EML5: variants seen among roughly 807,000 people sequenced by gnomAD.
EML5 encodes echinoderm microtubule-associated protein-like 5.
EML5 carries 120 observed loss-of-function variants against 250.0 expected under a neutral mutation model. That is an observed-to-expected ratio of 0.48 (90% CI 0.41 to 0.56). EML5 has a LOEUF of 0.56. Ranked by LOEUF, EML5 falls within the 20% of genes least tolerant of loss-of-function variation. The pLI is 0.00. For synonymous variants in EML5, 771 were observed against 806.5 expected, an observed-to-expected ratio of 0.96 and a Z score of 0.75; for missense variants, 2,006 against 2,437.6, an observed-to-expected ratio of 0.82 and a Z score of 3.73.
intron 1 of EML5, among the ~76,000 whole-genome samples, chr14:88,774,480 T>C (rs1381797345): frequency 2.0e-5 from 3 of 152,214 alleles, no homozygotes; most frequent in Admixed American, 2.0e-4. Flanking sequence ...TTCTTCCTGC[T>C]CTTCCTTTTC....
intron 21 of EML5, among the ~76,000 whole-genome samples, 188 bp downstream of exon 21, chr14:88,681,702 G>A (rs1343732518): frequency 2.0e-5 from 3 of 152,132 alleles, no homozygotes; most frequent in African/African-American, 7.2e-5. Flanking sequence ...GATGATAGGA[G>A]GTCCCATAAA....
chr14:88,747,240 C>A (rs528698201), intron 2 of EML5, among the ~76,000 whole-genome samples: 2 of 151,944 alleles, frequency 1.3e-5, no homozygotes, highest in East Asian at 1.9e-4. Flanking sequence ...GTTGAAACCC[C>A]GTCTCTACTA....
intron 33 of EML5, among the ~76,000 whole-genome samples, chr14:88,633,409 C>T (rs1226629147): frequency 1.3e-5 from 2 of 152,076 alleles, no homozygotes; most frequent in Non-Finnish European, 2.9e-5. Context: ...AGCCACTATA[C>T]CCCACCTGTC....
intron 26 of EML5, among the ~76,000 whole-genome samples, chr14:88,657,869 A>G (rs542461863): frequency 6.6e-6 from 1 of 152,162 alleles, no homozygotes; most frequent in South Asian, 2.1e-4. Flanking sequence ...ATTTTCTATA[A>G]CGAGCTGATA....
Position 88,736,370 on chromosome 14 carries a change from G to T in EML5, c.1043C>A (p.Ser348Ter). The T allele has an allele frequency of 2.5e-6, 4 of 1,613,890 alleles. No individual in the cohort carries two copies. Among genetic ancestry groups the T allele is most frequent in the Non-Finnish European group, 3.4e-6 (4 of 1,179,862 alleles). ...TAGTTTATAATTTGCTTACCTGACC[G>T]AACGATCATCACTTCCAGTCACAGC... ...PLAVTGSDDR[S>*]VRIWSLVDHA... Residue 348 changes from serine to a stop codon, truncating the protein, a stop_gained, in exon 7 of 44, where the codon TCG (serine) becomes TAG (stop). Transcript: ENST00000554922. LOFTEE classifies it high-confidence loss of function.
intron 27 of EML5, among the ~76,000 whole-genome samples, chr14:88,650,361 G>A: frequency 6.6e-6 from 1 of 152,102 alleles, no homozygotes. Context: ...GGCTGAGGCA[G>A]GAGAATCATT....
At chr14:88,732,062 T>C (rs958171639) in intron 7 of EML5, among the ~76,000 whole-genome samples, 4 of 152,270 alleles carry the variant, frequency 2.6e-5, no homozygotes, top group Non-Finnish European at 4.4e-5. Flanking sequence ...AGAAGCTCTT[T>C]AGTTTAATTA....
At position 88,735,321 on chromosome 14, in the gene EML5, A is replaced by G. The variant is rs73327337; in HGVS notation, c.1049+1043T>C. On this transcript the variant is annotated intron_variant, in intron 7 of 43. Coordinates refer to ENST00000554922, the MANE Select transcript of EML5 (RefSeq NM_183387.3). ...AACCACTATCACAGACAAGGTTTCT[A>G]ATTTCTTTAATATATAAACAGGTAT... is the stretch of plus-strand genomic sequence containing the variant. Among the ~76,000 whole-genome samples, 221 of 152,262 alleles carry G rather than the reference A, an allele frequency of 1.5e-3. 2 individuals are homozygous for G. Among genetic ancestry groups the G allele is most frequent in the African/African-American group, 5.2e-3 (217 of 41,554 alleles).
At chr14:88,638,942 T>TA (rs1388540382) in intron 31 of EML5, 35 bp from the exon 32 acceptor site, 1 of 1,498,740 alleles carries the variant, frequency 6.7e-7, no homozygotes, top group African/African-American at 1.4e-5. Flanking sequence ...AGTTTGAAAA[T>TA]TTTAAGATGT....
intron 2 of EML5, among the ~76,000 whole-genome samples, chr14:88,750,570 C>A (rs906158878): frequency 2.0e-5 from 3 of 152,080 alleles, no homozygotes; most frequent in Non-Finnish European, 4.4e-5. Context: ...TTTACCATAA[C>A]CTTAATTAGC....
At chr14:88,653,929 T>C (rs1486685906) in intron 27 of EML5, among the ~76,000 whole-genome samples, 1 of 152,148 alleles carries the variant, frequency 6.6e-6, no homozygotes, top group East Asian at 1.9e-4. Context: ...GGCTTTTTTT[T>C]GGTTGGTAGG....
intron 1 of EML5, among the ~76,000 whole-genome samples, chr14:88,785,046 G>A (rs1387779308): frequency 6.6e-6 from 1 of 152,164 alleles, no homozygotes; most frequent in Non-Finnish European, 1.5e-5. Flanking sequence ...GCAACATCAT[G>A]GATGGGACTG....
chr14:88,745,167 T>TTGTTTGTGTGTGTG (rs148282706), intron 3 of EML5, among the ~76,000 whole-genome samples: 2,215 of 145,254 alleles, frequency 0.015, 117 homozygotes, highest in Admixed American at 0.11. Flanking sequence ...AATTGTGTGT[T>TTGTTTGTGTGTGTG]TGTGTGTGTG....
chr14:88,638,759 G>T (rs771123166), intron 32 of EML5, 50 bp downstream of exon 32: 2 of 1,427,978 alleles, frequency 1.4e-6, no homozygotes, highest in African/African-American at 2.9e-5. Flanking sequence ...GAATTTATTT[G>T]AACAAAGCAA....
At chr14:88,706,513 C>T (rs2093320131) in intron 10 of EML5, 87 bp from the exon 11 acceptor site, 3 of 979,060 alleles carry the variant, frequency 3.1e-6, no homozygotes, top group East Asian at 2.9e-5. Flanking sequence ...ACCACTGTAT[C>T]ATCCTTCTAT....
chr14:88,792,536 C>CCCGCGGCGGCGACGGGAGG lies in EML5; in HGVS notation c.-52_-34dup. 1 of 1,245,238 alleles carries CCCGCGGCGGCGACGGGAGG rather than the reference C, an allele frequency of 8.0e-7. No individual in the cohort carries two copies. The highest frequency in any genetic ancestry group is 1.0e-6 in the Non-Finnish European group (1 of 989,936). 77.1% of individuals were successfully genotyped at this position (1,245,238 alleles called of 1,614,324 possible). The stretch of plus-strand genomic sequence containing the variant: ...CGCCCACCCGCCGCTCCCGCTCGGG[C>CCCGCGGCGGCGACGGGAGG]CCGCGGCGGCGACGGGAGGCGGCGG... On this transcript the variant is annotated 5_prime_UTR_variant, in exon 1 of 44. Coordinates refer to ENST00000554922, the MANE Select transcript of EML5 (RefSeq NM_183387.3). This position sits in a 1 kb window ranked among gnomAD's most constrained non-coding sequence, Gnocchi z 6.9.
Position 88,618,667 on chromosome 14 carries a change from C to T in EML5, c.5521G>A (p.Asp1841Asn). The T allele has an allele frequency of 6.2e-7, 1 of 1,612,868 alleles. No individual in the cohort carries two copies. Among genetic ancestry groups the T allele is most frequent in the South Asian group, 1.1e-5 (1 of 90,718 alleles). Residue 1841 changes from aspartate (D) to asparagine (N), a missense_variant, in exon 40 of 44, where the codon GAT (aspartate) becomes AAT (asparagine). Asp to Asn is a conservative substitution (Grantham distance 23). Around this residue, in one of 7 missense-constraint regions of EML5, gnomAD observed 405 missense variants for 523.3 expected, o/e 0.77. Transcript: ENST00000554922. ...TACTGTACCTGGAGATAACTGCTAT[C>T]TGCAGAGAAGTCCATTTGAATGACA... ...SFVIQMDFSADSSYLQVSSGC... is the reference protein window; with the variant it reads ...SFVIQMDFSANSSYLQVSSGC...
At chr14:88,665,214 G>A in intron 22 of EML5, 123 bp downstream of exon 22, 1 of 1,038,466 alleles carries the variant, frequency 9.6e-7, no homozygotes, top group Non-Finnish European at 1.4e-6. Flanking sequence ...TTGCTACACT[G>A]CCTCTTCTAG....
chr14:88,636,091 A>C (rs2090709721), intron 32 of EML5, among the ~76,000 whole-genome samples: 1 of 152,152 alleles, frequency 6.6e-6, no homozygotes, highest in Non-Finnish European at 1.5e-5. Context: ...ACTGCATTAG[A>C]ACTCCATCCA....
Sources: gnomAD v4.1 joint callset for allele counts (sites outside exome capture counted in the v4.1 genomes callset) on GRCh38, gnomAD v4.1.1 for gene constraint, gnomAD v4.1.1 regional missense constraint, Gnocchi (gnomAD v3.1) non-coding constraint, MANE v1.5 for transcripts, NCBI Gene and HGNC (gene_info 2026-07-23, HGNC 2026-07-21) for gene names.